The following NT5C2 variants were observed in gnomAD, a reference collection of about 807,000 sequenced individuals.
The protein encoded by NT5C2 is cytosolic purine 5'-nucleotidase.
Under a neutral mutation model 76.1 loss-of-function variants are expected in NT5C2, and 58 were observed. The observed-to-expected ratio is 0.76, with a 90% confidence interval of 0.62 to 0.95. The LOEUF is 0.95. Ranked by LOEUF, NT5C2 falls within the 40% of genes least tolerant of loss-of-function variation. NT5C2 has a pLI of 0.00. For synonymous variants in NT5C2, 229 were observed against 237.4 expected, an observed-to-expected ratio of 0.96 and a Z score of 0.32; for missense variants, 478 against 690.3, an observed-to-expected ratio of 0.69 and a Z score of 3.45.
chr10:103,092,147 G>A (rs1336674020), intron 15 of NT5C2, among the ~76,000 whole-genome samples: 1 of 152,214 alleles, frequency 6.6e-6, no homozygotes, highest in African/African-American at 2.4e-5. Context: ...CATGCTGCCG[G>A]TGTGTTGCAG....
chr10:103,148,860 A>G (rs1157008292), intron 3 of NT5C2, among the ~76,000 whole-genome samples: 1 of 152,196 alleles, frequency 6.6e-6, no homozygotes, highest in Non-Finnish European at 1.5e-5. Context: ...TACCCATATT[A>G]TATACCAGTA....
intron 1 of NT5C2, among the ~76,000 whole-genome samples, chr10:103,184,423 A>G (rs759043264): frequency 2.0e-5 from 3 of 152,154 alleles, no homozygotes; most frequent in Non-Finnish European, 4.4e-5. Context: ...TTACCCACAC[A>G]CATCACTCAC....
intron 3 of NT5C2, chr10:103,146,470 A>G (rs774738107): frequency 3.0e-5 from 30 of 984,204 alleles, no homozygotes; most frequent in South Asian, 4.7e-5. Flanking sequence ...ATTTGCTACA[A>G]TCAAGAAAAG....
chr10:103,138,383 T>G (rs1325220284), intron 4 of NT5C2, among the ~76,000 whole-genome samples: 1 of 152,218 alleles, frequency 6.6e-6, no homozygotes, highest in African/African-American at 2.4e-5. Context: ...ATCTAGGTTT[T>G]AAGCCCTGCA....
intron 9 of NT5C2, among the ~76,000 whole-genome samples, chr10:103,099,305 G>T (rs1447404475): frequency 6.6e-6 from 1 of 152,158 alleles, no homozygotes; most frequent in Non-Finnish European, 1.5e-5. Context: ...GAACTCCTGA[G>T]CTCAAGCAAT....
intron 3 of NT5C2, among the ~76,000 whole-genome samples, chr10:103,151,496 T>C (rs2133741664): frequency 6.6e-6 from 1 of 151,632 alleles, no homozygotes; most frequent in South Asian, 2.1e-4. Flanking sequence ...CCTCTCGCCA[T>C]TGAATTAGCT....
intron 3 of NT5C2, among the ~76,000 whole-genome samples, chr10:103,147,764 A>C (rs904882786): frequency 1.3e-5 from 2 of 152,226 alleles, no homozygotes; most frequent in Non-Finnish European, 2.9e-5. Flanking sequence ...TGAACTAAAA[A>C]TTAAGCTTAA....
At position 103,088,251 on chromosome 10, in the gene NT5C2, A is replaced by T. The variant is rs947027349; in HGVS notation, c.*1421T>A. ...GGAAGAAAATATACAATGGTTAAAGAAAGAGTCTATAACCACTGTTTGTTT... is the reference window on the plus strand; with the variant it reads ...GGAAGAAAATATACAATGGTTAAAGTAAGAGTCTATAACCACTGTTTGTTT... On this transcript the variant is annotated 3_prime_UTR_variant, in exon 19 of 19. Coordinates refer to ENST00000404739, the MANE Select transcript of NT5C2 (RefSeq NM_001351169.2). 3.3e-5 allele frequency: 5 copies of T among 152,250 alleles called. No individual in the cohort carries two copies. The highest frequency in any genetic ancestry group is 3.3e-4 in the Admixed American group (5 of 15,290). The allele number at this position is 152,250 out of a possible 1,614,324, so 9.4% of individuals were successfully genotyped here.
chr10:103,093,804 C>G, intron 14 of NT5C2, 168 bp downstream of exon 14: 1 of 564,148 alleles, frequency 1.8e-6, no homozygotes, highest in East Asian at 2.8e-5. Flanking sequence ...CTAACAACTG[C>G]TCAAACCCAG....
At chr10:103,138,554 A>G (rs2079760797) in intron 4 of NT5C2, among the ~76,000 whole-genome samples, 1 of 152,102 alleles carries the variant, frequency 6.6e-6, no homozygotes, top group Non-Finnish European at 1.5e-5. Flanking sequence ...TTCCTGTGTT[A>G]GTCTGCTGAG....
At chr10:103,094,862 C>A (rs1405830647) in intron 12 of NT5C2, among the ~76,000 whole-genome samples, 2 of 127,636 alleles carry the variant, frequency 1.6e-5, no homozygotes, top group African/African-American at 5.7e-5. Context: ...AGCTTGGCAA[C>A]AGAGCAAGAC....
chr10:103,104,876 G>C (rs530852825), intron 6 of NT5C2, among the ~76,000 whole-genome samples: 4 of 152,292 alleles, frequency 2.6e-5, no homozygotes, highest in South Asian at 4.1e-4. Context: ...ATAGTAAATG[G>C]AAAAGTTACA....
chr10:103,148,457 C>A (rs964950463), intron 3 of NT5C2, among the ~76,000 whole-genome samples: 2 of 151,952 alleles, frequency 1.3e-5, no homozygotes, highest in Non-Finnish European at 2.9e-5. Flanking sequence ...AAAAATTAGC[C>A]GGGCATGGTG....
At chr10:103,166,080 C>T (rs570595840) in intron 3 of NT5C2, among the ~76,000 whole-genome samples, 80 of 152,236 alleles carry the variant, frequency 5.3e-4, no homozygotes, top group Non-Finnish European at 9.4e-4. Context: ...ACACAGTGTC[C>T]CCCAATGGGG....
rs1590687262 is a variant in NT5C2, at chr10:103,094,724, C to A, written c.814-269G>T. On this transcript the variant is annotated intron_variant, in intron 12 of 18. Coordinates refer to ENST00000404739, the MANE Select transcript of NT5C2 (RefSeq NM_001351169.2). ...TGGTGAAAACCTGTCTCTACTAAAA[C>A]TACAAAAATTAGCCGGGCGTGGTGG... 2.0e-5 allele frequency among the ~76,000 whole-genome samples: 3 copies of A among 151,840 alleles called. No individual in the cohort carries two copies. In the South Asian group the frequency reaches 6.2e-4, roughly 32 times the overall value.
intron 3 of NT5C2, among the ~76,000 whole-genome samples, chr10:103,159,956 C>A (rs896829966): frequency 1.3e-5 from 2 of 152,082 alleles, no homozygotes; most frequent in African/African-American, 4.8e-5. Flanking sequence ...ATAGCCAAAA[C>A]AATCTTGAAA....
At chr10:103,129,535 GC>G (rs1325316616) in intron 4 of NT5C2, among the ~76,000 whole-genome samples, 1 of 98,746 alleles carries the variant, frequency 1.0e-5, no homozygotes, top group Non-Finnish European at 2.2e-5. Context: ...GGGGGGGTCA[GC>G]CCCCCGCCCG....
chr10:103,173,426 GCTAA>G (rs953029090), intron 3 of NT5C2, among the ~76,000 whole-genome samples: 1 of 150,184 alleles, frequency 6.7e-6, no homozygotes, highest in Non-Finnish European at 1.5e-5. Context: ...GACCATCCTG[GCTAA>G]CACAGTGAAA....
chr10:103,124,143 T>C (rs576896152), intron 4 of NT5C2, among the ~76,000 whole-genome samples: 1 of 152,294 alleles, frequency 6.6e-6, no homozygotes, highest in African/African-American at 2.4e-5. Flanking sequence ...TCCTTTCTTA[T>C]TGTTTCAAAA....
Sources: allele counts gnomAD v4.1 joint callset (sites outside exome capture counted in the v4.1 genomes callset), GRCh38; gene constraint gnomAD v4.1.1; transcripts MANE v1.5; gene names NCBI Gene and HGNC (gene_info 2026-07-23, HGNC 2026-07-21).